TOX2: variants seen among roughly 807,000 people sequenced by gnomAD.
The protein encoded by TOX2 is granulosa cell HMG box 1.
In TOX2, 15 loss-of-function variants were observed where a neutral mutation model predicts 47.4. The ratio of observed to expected loss-of-function variants is 0.32; its 90% CI spans 0.21 to 0.49. The LOEUF is 0.49. Ranked by LOEUF, TOX2 falls within the 20% of genes least tolerant of loss-of-function variation. The pLI, the probability that TOX2 is intolerant of heterozygous loss-of-function variation, is 0.99. For missense variants in TOX2, 622 were observed against 673.1 expected (o/e 0.92, Z 0.84); for synonymous variants, 290 against 296.6 (o/e 0.98, Z 0.23).
chr20:44,015,854 T>C (rs765227266), intron 3 of TOX2, among the ~76,000 whole-genome samples: 28 of 152,164 alleles, frequency 1.8e-4, no homozygotes, highest in Non-Finnish European at 8.8e-5. Context: ...CTGTCGGCGT[T>C]CTTTAGTTTA....
At chr20:44,037,527 G>C (rs978171430) in intron 3 of TOX2, among the ~76,000 whole-genome samples, 2 of 152,126 alleles carry the variant, frequency 1.3e-5, no homozygotes, top group Admixed American at 1.3e-4. Flanking sequence ...CTTTCTGGCT[G>C]TGTGATCTTA....
chr20:43,999,275 C>G (rs2070535053), intron 2 of TOX2, among the ~76,000 whole-genome samples: 1 of 151,958 alleles, frequency 6.6e-6, no homozygotes, highest in Non-Finnish European at 1.5e-5. Flanking sequence ...GCAGATTTTT[C>G]TAGATTGATA....
At chr20:44,053,209 G>C (rs1236269203) in intron 4 of TOX2, among the ~76,000 whole-genome samples, 1 of 152,178 alleles carries the variant, frequency 6.6e-6, no homozygotes, top group African/African-American at 2.4e-5. Context: ...GAAGCCCTAA[G>C]TCAAGTGTTC....
chr20:44,035,744 G>C (rs1263141306), intron 3 of TOX2, among the ~76,000 whole-genome samples: 1 of 152,206 alleles, frequency 6.6e-6, no homozygotes. Context: ...CTGGGTAATG[G>C]GGTAATATGG....
chr20:44,003,197 T>C (rs2070615108), intron 2 of TOX2, among the ~76,000 whole-genome samples: 1 of 151,412 alleles, frequency 6.6e-6, no homozygotes, highest in Non-Finnish European at 1.5e-5. Flanking sequence ...TTTTTTTTTT[T>C]TTTTTTTAAG....
At chr20:44,003,729 T>G (rs573883903) in intron 2 of TOX2, among the ~76,000 whole-genome samples, 9 of 152,284 alleles carry the variant, frequency 5.9e-5, no homozygotes, top group African/African-American at 1.9e-4. Context: ...GAGTAGGAAC[T>G]AACCACGGGA....
intron 5 of TOX2, among the ~76,000 whole-genome samples, chr20:44,062,853 G>A (rs2071745175): frequency 6.6e-6 from 1 of 152,118 alleles, no homozygotes; most frequent in Non-Finnish European, 1.5e-5. Context: ...ACAACCAACT[G>A]ATCTTTAACA....
intron 3 of TOX2, among the ~76,000 whole-genome samples, chr20:44,051,043 G>A (rs1411115578): frequency 6.6e-6 from 1 of 152,238 alleles, no homozygotes; most frequent in African/African-American, 2.4e-5. Flanking sequence ...GGCAGGGGCT[G>A]AAATGCAAAG....
In TOX2 at chr20:43,927,641, TC is replaced by T. The variant is rs1246102204; in HGVS notation, c.99+12655del. Among the ~76,000 whole-genome samples, 339 of 111,304 alleles carry T rather than the reference TC, an allele frequency of 3.0e-3. 5 individuals are homozygous for T. The highest frequency in any genetic ancestry group is 0.014 in the East Asian group (41 of 2,938). The allele number at this position is 111,304 out of a possible 152,430, so 73.0% of individuals were successfully genotyped here. A position where few individuals can be genotyped will look rare whatever the true frequency, so the allele number is the denominator to read the frequency against. On this transcript the variant is annotated intron_variant, in intron 1 of 8. Transcript: ENST00000341197. ...CCTTCCTTCCTCCTTCCTTCCTTCC[TC>T]CCCTTCCCTTCCCTTCCCCTTCCTT...
chr20:44,014,799 C>G (rs1203320464), intron 3 of TOX2, among the ~76,000 whole-genome samples: 1 of 152,062 alleles, frequency 6.6e-6, no homozygotes, highest in Non-Finnish European at 1.5e-5. Context: ...CTAAGTTTGT[C>G]CGGGCTGACC....
intron 1 of TOX2, among the ~76,000 whole-genome samples, chr20:43,951,707 G>GTGTTTTTTTTTTTTTTTTTTT (rs2069570989): frequency 7.3e-5 from 4 of 55,098 alleles, no homozygotes; most frequent in African/African-American, 2.2e-4. Context: ...AACTTATTAT[G>GTGTTTTTTTTTTTTTTTTTTT]TTTTTTTTTT....
intron 2 of TOX2, among the ~76,000 whole-genome samples, chr20:44,003,033 G>A (rs191449596): frequency 6.6e-6 from 1 of 152,250 alleles, no homozygotes; most frequent in East Asian, 1.9e-4. Flanking sequence ...GCAGAGCCAG[G>A]ATGCAAACCC....
intron 3 of TOX2, among the ~76,000 whole-genome samples, chr20:44,037,515 C>T (rs1380766532): frequency 6.6e-6 from 1 of 152,136 alleles, no homozygotes; most frequent in Non-Finnish European, 1.5e-5. Flanking sequence ...CTGGCTTTCC[C>T]ACTTTCTGGC....
At chr20:43,928,383 G>C (rs866404297) in intron 1 of TOX2, among the ~76,000 whole-genome samples, 2 of 152,172 alleles carry the variant, frequency 1.3e-5, no homozygotes, top group Non-Finnish European at 2.9e-5. Context: ...AATGAGAGAA[G>C]GAATAAAAAG....
chr20:43,954,450 G>A (rs560941100), intron 1 of TOX2, among the ~76,000 whole-genome samples: 1 of 149,758 alleles, frequency 6.7e-6, no homozygotes, highest in African/African-American at 2.5e-5. Context: ...GAGGCCTGCA[G>A]GGGCTGGGAC....
At chr20:43,947,376 CTG>C (rs2069491827) in intron 1 of TOX2, among the ~76,000 whole-genome samples, 1 of 152,248 alleles carries the variant, frequency 6.6e-6, no homozygotes, top group African/African-American at 2.4e-5. Flanking sequence ...CACACACTCA[CTG>C]TGTAACACTT....
At chr20:43,953,818 A>T (rs1440649617) in intron 1 of TOX2, among the ~76,000 whole-genome samples, 1 of 152,138 alleles carries the variant, frequency 6.6e-6, no homozygotes, top group African/African-American at 2.4e-5. Flanking sequence ...GCGACTATGG[A>T]TGACTGATGA....
At chr20:44,003,283 C>T (rs1224044660) in intron 2 of TOX2, among the ~76,000 whole-genome samples, 6 of 151,400 alleles carry the variant, frequency 4.0e-5, no homozygotes, top group Non-Finnish European at 7.4e-5. Context: ...ACATCCTGGG[C>T]TCAAATGATC....
intron 2 of TOX2, among the ~76,000 whole-genome samples, chr20:43,993,423 G>A (rs1304401559): frequency 6.6e-6 from 1 of 152,136 alleles, no homozygotes. Context: ...AGATACATGG[G>A]GAGGTGGGGC....
Sources: gnomAD v4.1 joint callset for allele counts (sites outside exome capture counted in the v4.1 genomes callset) on GRCh38, gnomAD v4.1.1 for gene constraint, MANE v1.5 for transcripts, NCBI Gene and HGNC (gene_info 2026-07-23, HGNC 2026-07-21) for gene names.